The following MYH7B variants were observed in gnomAD, a reference collection of about 807,000 sequenced individuals.
MYH7B encodes the protein myosin-7B.
Under a neutral mutation model 234.5 loss-of-function variants are expected in MYH7B, and 205 were observed. The ratio of observed to expected loss-of-function variants is 0.87; its 90% CI spans 0.78 to 0.98. The LOEUF is 0.98. Among genes scored for constraint, MYH7B ranks in the 50% least tolerant of loss-of-function variants. The probability of loss-of-function intolerance (pLI) is 0.00; values close to 1 mark genes in which losing one functional copy is unlikely to be tolerated. For missense variants in MYH7B, 2,652 were observed against 2,633.4 expected, an observed-to-expected ratio of 1.01 and a Z score of -0.15; for synonymous variants, 1,193 against 1,105.0, an observed-to-expected ratio of 1.08 and a Z score of -1.58.
At chr20:35,001,274 A>G in exon 42 of MYH7B, 1 of 1,612,704 alleles carries the variant, frequency 6.2e-7, no homozygotes, top group South Asian at 1.1e-5. Flanking sequence ...AGCTTGATGC[A>G]GAGCAGAAGA....
chr20:34,986,616 G>T (rs117489075), intron 14 of MYH7B, among the ~76,000 whole-genome samples: 1 of 152,208 alleles, frequency 6.6e-6, no homozygotes, highest in African/African-American at 2.4e-5. Context: ...TGAGTGAGAC[G>T]TGAGGACTGT....
exon 40 of MYH7B, chr20:35,000,857 G>C (rs774862326): frequency 1.2e-6 from 2 of 1,613,628 alleles, no homozygotes; most frequent in East Asian, 4.5e-5. Flanking sequence ...AGGAGAGGCG[G>C]GAGGCTGAGG....
At chr20:34,984,930 A>G (rs775064260) in exon 12 of MYH7B, 3 of 1,613,954 alleles carry the variant, frequency 1.9e-6, no homozygotes, top group Non-Finnish European at 8.5e-7. Flanking sequence ...CTGAGGAATG[A>G]TAACTCCTCC....
At chr20:34,987,938 C>T (rs746800466) in intron 18 of MYH7B, 24 bp downstream of exon 18, 79 of 1,569,792 alleles carry the variant, frequency 5.0e-5, no homozygotes, top group Non-Finnish European at 6.4e-5. Flanking sequence ...CTCACCTTGG[C>T]CTCTGTTCTC....
chr20:34,981,123 A>G, intron 9 of MYH7B, 63 bp downstream of exon 9: 1 of 1,593,512 alleles, frequency 6.3e-7, no homozygotes. Context: ...AGAGGGCGGT[A>G]CCACAGTCAT....
chr20:34,997,653 T>A lies in MYH7B; in HGVS notation c.3747+13T>A, dbSNP rs1273315841. On this transcript the variant is annotated intron_variant, in intron 32 of 44. Coordinates refer to ENST00000262873, the Ensembl canonical transcript of MYH7B. ...GACCCGCGCCAAGGTGTCCGTGCCT[T>A]CCTCACCCCATACCCACCCTGACTT... The A allele has an allele frequency of 1.4e-5, 22 of 1,612,460 alleles. No homozygotes were observed. Among genetic ancestry groups the A allele is most frequent in the Non-Finnish European group, 1.9e-5 (22 of 1,179,240 alleles).
intron 27 of MYH7B, 68 bp downstream of exon 27, chr20:34,994,469 A>C: frequency 6.7e-7 from 1 of 1,486,538 alleles, no homozygotes; most frequent in Non-Finnish European, 9.0e-7. Context: ...TCTGAGGGAT[A>C]GTACAGCGAG....
rs375468674 is a variant in MYH7B, at chr20:35,002,017, C to G, written c.5746C>G (p.Arg1916Gly). Reference sequence around the variant, plus strand: ...GCACGAGCTGGATGATGCGGAGGAGCGGGCAGACATGGCGGAAACCCAGGC... The same window carrying G: ...GCACGAGCTGGATGATGCGGAGGAGGGGGCAGACATGGCGGAAACCCAGGC... Residue 1916 changes from arginine to glycine, a missense_variant, in exon 44 of 45, where the codon CGG (arginine) becomes GGG (glycine). By Grantham distance (125) the Arg-to-Gly change is moderately radical. This residue lies in a region of MYH7B where 2,279 missense variants were observed against 2,211.4 expected (regional missense o/e 1.03). Transcript: ENST00000262873. 18 of 1,613,924 alleles carry G rather than the reference C, an allele frequency of 1.1e-5. No individual in the cohort carries two copies. Among genetic ancestry groups the G allele is most frequent in the Non-Finnish European group, 1.4e-5 (17 of 1,179,976 alleles).
chr20:34,976,132 C>G (rs1040811288), intron 3 of MYH7B, among the ~76,000 whole-genome samples: 2 of 152,218 alleles, frequency 1.3e-5, no homozygotes, highest in African/African-American at 4.8e-5. Context: ...TGGCTCTACT[C>G]AGCGTATAGA....
exon 18 of MYH7B, chr20:34,987,869 GTTC>G (rs749978304): frequency 2.5e-6 from 4 of 1,611,852 alleles, no homozygotes; most frequent in East Asian, 2.2e-5. Flanking sequence ...TGCCCCGGCA[GTTC>G]TTCATCGGGG....
exon 20 of MYH7B, chr20:34,989,842 C>T (rs748737797): frequency 3.7e-6 from 6 of 1,614,206 alleles, no homozygotes; most frequent in Non-Finnish European, 5.1e-6. Context: ...GGGGAAGTCA[C>T]CCAATTTCCA....
chr20:34,993,068 C>A (rs531463846), intron 24 of MYH7B, 34 bp from the exon 25 acceptor site: 2 of 1,596,778 alleles, frequency 1.3e-6, no homozygotes, highest in South Asian at 2.2e-5. Flanking sequence ...CCATACCCAG[C>A]CCTCTCCTGA....
At position 34,977,523 on chromosome 20, in the gene MYH7B, G is replaced by A. The variant is rs138274817; in HGVS notation, c.-121-109G>A. On this transcript the variant is annotated intron_variant, in intron 3 of 44. Coordinates refer to ENST00000262873, the Ensembl canonical transcript of MYH7B. Reference sequence around the variant, plus strand: ...GGGAGGTAAAAATAGCCCAGGGGCCGTGCTGGTGGAGATAAAAGGGAATTT... The same window carrying A: ...GGGAGGTAAAAATAGCCCAGGGGCCATGCTGGTGGAGATAAAAGGGAATTT... 421 of 1,002,668 alleles carry A rather than the reference G, an allele frequency of 4.2e-4. 2 individuals carry two copies. The East Asian group carries it at 0.01, about 25-fold the overall frequency. The allele number at this position is 1,002,668 out of a possible 1,614,324, so 62.1% of individuals were successfully genotyped here.
exon 37 of MYH7B, chr20:34,999,579 A>G (rs770973532): frequency 1.9e-6 from 3 of 1,607,816 alleles, no homozygotes; most frequent in South Asian, 2.2e-5. Flanking sequence ...AGAGGAGATC[A>G]GCGACCTCAC....
intron 32 of MYH7B, 26 bp from the exon 33 acceptor site, chr20:34,998,269 C>A: frequency 6.2e-7 from 1 of 1,612,588 alleles, no homozygotes; most frequent in Non-Finnish European, 8.5e-7. Context: ...AACTCCTGAC[C>A]CCTGACTCCC....
rs1456375807 is a variant in MYH7B, at chr20:34,958,091, T to G, written c.-336-7T>G. Among the ~76,000 whole-genome samples, 1 of 152,224 alleles carries G rather than the reference T, an allele frequency of 6.6e-6. No homozygotes were observed. Among genetic ancestry groups the G allele is most frequent in the African/African-American group, 2.4e-5 (1 of 41,464 alleles). On this transcript the variant is annotated splice_polypyrimidine_tract_variant and splice_region_variant and intron_variant, in intron 1 of 44. Coordinates refer to ENST00000262873, the Ensembl canonical transcript of MYH7B. Reference sequence around the variant, plus strand: ...ATCAAAAGCATGACCCAGGGTTCTCTGTGCAGGTTCCCCTCTTCCAAGACG... The same window carrying G: ...ATCAAAAGCATGACCCAGGGTTCTCGGTGCAGGTTCCCCTCTTCCAAGACG...
At chr20:34,966,078 C>T (rs1438123173) in intron 2 of MYH7B, among the ~76,000 whole-genome samples, 5 of 92,544 alleles carry the variant, frequency 5.4e-5, no homozygotes, top group Non-Finnish European at 1.1e-4. Context: ...GAAAGAGGGT[C>T]GGGGGGTGGG....
chr20:34,960,211 T>C (rs2081680470), intron 2 of MYH7B, among the ~76,000 whole-genome samples: 1 of 152,146 alleles, frequency 6.6e-6, no homozygotes, highest in African/African-American at 2.4e-5. Flanking sequence ...CGAGGGCCTC[T>C]CTCCAAGTCT....
At chr20:34,977,071 T>G (rs2081865526) in intron 3 of MYH7B, among the ~76,000 whole-genome samples, 1 of 97,138 alleles carries the variant, frequency 1.0e-5, no homozygotes, top group African/African-American at 3.8e-5. Context: ...CCTCTCTCTC[T>G]CCCTCTCACT....
Sources: gnomAD v4.1 joint callset for allele counts (sites outside exome capture counted in the v4.1 genomes callset) on GRCh38, gnomAD v4.1.1 for gene constraint, gnomAD v4.1.1 regional missense constraint, MANE v1.5 for transcripts, NCBI Gene and HGNC (gene_info 2026-07-23, HGNC 2026-07-21) for gene names.